SUGCT: variants seen among roughly 807,000 people sequenced by gnomAD.
SUGCT encodes the protein succinyl-CoA:glutarate CoA-transferase.
Under a neutral mutation model 55.0 loss-of-function variants are expected in SUGCT, and 41 were observed. That is an observed-to-expected ratio of 0.74 (90% confidence interval 0.58 to 0.97). The LOEUF (loss-of-function observed/expected upper bound fraction) is 0.97. SUGCT is among the 50% of genes least tolerant of loss of function. The pLI is 0.00. For missense variants in SUGCT, 568 were observed against 547.8 expected, an observed-to-expected ratio of 1.04 and a Z score of -0.37; for synonymous variants, 187 against 200.4, an observed-to-expected ratio of 0.93 and a Z score of 0.56.
the SUGCT span, among the ~76,000 whole-genome samples, chr7:40,901,528 C>T: frequency 6.6e-6 from 1 of 152,130 alleles, no homozygotes; most frequent in Non-Finnish European, 1.5e-5. Context: ...AGGTCATCCC[C>T]AAGGCGTTCT....
the SUGCT span, among the ~76,000 whole-genome samples, chr7:40,896,203 C>T: frequency 1.3e-5 from 2 of 151,690 alleles, no homozygotes; most frequent in South Asian, 4.2e-4. Context: ...CTAACAATTA[C>T]CTATTTGAAA....
At chr7:40,417,109 G>C (rs751404662) in intron 9 of SUGCT, among the ~76,000 whole-genome samples, 1 of 151,496 alleles carries the variant, frequency 6.6e-6, no homozygotes, top group Admixed American at 6.6e-5. Flanking sequence ...TTTTCTGCTC[G>C]CCTTTCTTAT....
At chr7:40,242,423 C>G (rs1016072826) in intron 7 of SUGCT, among the ~76,000 whole-genome samples, 15 of 152,056 alleles carry the variant, frequency 9.9e-5, no homozygotes, top group African/African-American at 3.4e-4. Context: ...TCGCCCACTT[C>G]GGCCTCCCAA....
intron 12 of SUGCT, among the ~76,000 whole-genome samples, chr7:40,657,080 C>G (rs914315440): frequency 6.6e-6 from 1 of 152,006 alleles, no homozygotes; most frequent in Non-Finnish European, 1.5e-5. Context: ...TTTTGTTGGA[C>G]AGAATAACTG....
chr7:40,252,985 A>G (rs1000977103), intron 7 of SUGCT, among the ~76,000 whole-genome samples: 1 of 152,220 alleles, frequency 6.6e-6, no homozygotes, highest in Non-Finnish European at 1.5e-5. Context: ...AACTGTGGAA[A>G]TATAACTTTG....
intron 7 of SUGCT, among the ~76,000 whole-genome samples, chr7:40,273,738 T>C (rs1036449155): frequency 5.9e-5 from 9 of 152,180 alleles, no homozygotes; most frequent in African/African-American, 2.2e-4. Context: ...CCCCGGATCC[T>C]TTCTTACTGC....
At chr7:40,714,235 CAGG>C (rs1785890978) in intron 12 of SUGCT, among the ~76,000 whole-genome samples, 1 of 151,880 alleles carries the variant, frequency 6.6e-6, no homozygotes, top group Admixed American at 6.6e-5. Context: ...GAGGCTGAGG[CAGG>C]AGAATTGCTT....
chr7:40,236,442 C>CAAAAAAAAAAAAAAAAAAAAAAAAAAAA lies in SUGCT; in HGVS notation c.485-1176_485-1175insAAAAAAAAAAAAAAAAAAAAAAAAAAAA, dbSNP rs60720770. 2.9e-4 allele frequency among the ~76,000 whole-genome samples: 26 copies of CAAAAAAAAAAAAAAAAAAAAAAAAAAAA among 90,012 alleles called. 1 individual carries two copies. The highest frequency in any genetic ancestry group is 1.3e-3 in the African/African-American group (26 of 19,874). The allele number at this position is 90,012 out of a possible 152,430, so 59.1% of individuals were successfully genotyped here. The stretch of plus-strand genomic sequence containing the variant: ...GTGTTCTGTTGATTCTTTCTGATGG[C>CAAAAAAAAAAAAAAAAAAAAAAAAAAAA]AAAAAAAAAAAAAAAAATTTGACAC... On this transcript the variant is annotated intron_variant, in intron 6 of 13. Transcript: ENST00000335693.
At chr7:40,412,062 C>T (rs1435006816) in intron 9 of SUGCT, among the ~76,000 whole-genome samples, 3 of 152,162 alleles carry the variant, frequency 2.0e-5, no homozygotes, top group African/African-American at 4.8e-5. Context: ...GTTCTTTCTT[C>T]GGCTGGGCAT....
intron 1 of SUGCT, among the ~76,000 whole-genome samples, chr7:40,175,412 G>T (rs1784878452): frequency 6.6e-6 from 1 of 152,072 alleles, no homozygotes; most frequent in East Asian, 1.9e-4. Context: ...TAGAGACAGG[G>T]TTTCGCCATG....
rs1223828328 is a variant in SUGCT, at chr7:40,135,182, G to GC, written c.100+63dup. On this transcript the variant is annotated intron_variant, in intron 1 of 13. Transcript: ENST00000335693. The stretch of plus-strand genomic sequence containing the variant: ...TCCCTGCCCCAGCTTGCCTCCTCGG[G>GC]CGCCCTGAGGAGAGCAATTAGGGTC... 4 of 1,494,814 alleles carry GC rather than the reference G, an allele frequency of 2.7e-6. No homozygotes were observed. In the East Asian group the frequency reaches 7.9e-5, roughly 29 times the overall value. The allele number at this position is 1,494,814 out of a possible 1,614,324, so 92.6% of individuals were successfully genotyped here. A position where few individuals can be genotyped will look rare whatever the true frequency, so the allele number is the denominator to read the frequency against.
chr7:40,917,760 C>T, the SUGCT span, among the ~76,000 whole-genome samples: 1 of 152,126 alleles, frequency 6.6e-6, no homozygotes, highest in Admixed American at 6.6e-5. Flanking sequence ...TTGCAGATGG[C>T]CACCTTCTTG....
intron 12 of SUGCT, among the ~76,000 whole-genome samples, chr7:40,662,047 G>A (rs962407227): frequency 6.6e-6 from 1 of 152,166 alleles, no homozygotes; most frequent in Non-Finnish European, 1.5e-5. Context: ...AGAGCTGTTT[G>A]TTTTTGTCAA....
chr7:40,400,923 C>T (rs979280856), intron 9 of SUGCT, among the ~76,000 whole-genome samples: 1 of 152,094 alleles, frequency 6.6e-6, no homozygotes, highest in East Asian at 1.9e-4. Context: ...TGGTTTTGAA[C>T]AAGGCCAGAT....
intron 13 of SUGCT, among the ~76,000 whole-genome samples, chr7:40,856,494 A>T (rs564413363): frequency 6.6e-6 from 1 of 152,322 alleles, no homozygotes; most frequent in African/African-American, 2.4e-5. Context: ...GGTGTGCAGG[A>T]CAGTACATGA....
chr7:40,233,563 C>T (rs940134303), intron 6 of SUGCT, among the ~76,000 whole-genome samples: 6 of 152,070 alleles, frequency 3.9e-5, no homozygotes, highest in South Asian at 2.1e-4. Context: ...CAAGATTCCA[C>T]GTACAAAATA....
intron 12 of SUGCT, among the ~76,000 whole-genome samples, chr7:40,615,366 T>C (rs1472453858): frequency 6.6e-6 from 1 of 152,226 alleles, no homozygotes; most frequent in Admixed American, 6.5e-5. Context: ...GAAAACCATT[T>C]TTCCAGAACC....
chr7:40,624,961 G>T (rs1416750711), intron 12 of SUGCT, among the ~76,000 whole-genome samples: 1 of 152,044 alleles, frequency 6.6e-6, no homozygotes, highest in Non-Finnish European at 1.5e-5. Context: ...TTATCATAGT[G>T]CATTCTTATC....
At chr7:40,276,198 A>C (rs1792467207) in intron 8 of SUGCT, among the ~76,000 whole-genome samples, 1 of 152,222 alleles carries the variant, frequency 6.6e-6, no homozygotes. Flanking sequence ...TTCTATAAAA[A>C]GGTAAAAGAA....
Sources: gnomAD v4.1 joint callset for allele counts (sites outside exome capture counted in the v4.1 genomes callset) on GRCh38, gnomAD v4.1.1 for gene constraint, MANE v1.5 for transcripts, NCBI Gene and HGNC (gene_info 2026-07-23, HGNC 2026-07-21) for gene names.